The following EYS variants were observed in gnomAD, a reference collection of about 807,000 sequenced individuals.
EYS encodes the protein EGF-like photoreceptor maintenance factor, also known as protein eyes shut homolog.
Under a neutral mutation model 282.1 loss-of-function variants are expected in EYS, and 250 were observed. The ratio of observed to expected loss-of-function variants is 0.89; its 90% CI spans 0.80 to 0.98. The LOEUF (loss-of-function observed/expected upper bound fraction) is 0.98, where lower values mean the gene tolerates loss of function less well. Among genes scored for constraint, EYS ranks in the 50% least tolerant of loss-of-function variants. The pLI is 0.00. For missense variants in EYS, 4,016 were observed against 3,709.0 expected (o/e 1.08, Z -2.15); for synonymous variants, 1,355 against 1,282.9 (o/e 1.06, Z -1.20).
chr6:65,283,439 T>A, intron 12 of EYS, among the ~76,000 whole-genome samples: 1 of 152,032 alleles, frequency 6.6e-6, no homozygotes, highest in East Asian at 1.9e-4. Context: ...GCAACATTTA[T>A]CAATATGGTG....
rs940309165 is a variant in EYS at position 64,762,068 on chromosome 6, A to G, written c.3443+51310T>C. On this transcript the variant is annotated intron_variant, in intron 22 of 42. Coordinates refer to ENST00000503581, the MANE Select transcript of EYS (RefSeq NM_001142800.2). The stretch of plus-strand genomic sequence containing the variant: ...ACAGTGGATTTTAAATGTTCTTACC[A>G]CAAAGAAATGATAAGTATGTGAAGT... Among the ~76,000 whole-genome samples, 15 of 152,358 alleles carry G rather than the reference A, an allele frequency of 9.8e-5. No individual in the cohort carries two copies. The South Asian group carries it at 1.2e-3, about 13-fold the overall frequency.
intron 13 of EYS, among the ~76,000 whole-genome samples, chr6:65,025,622 G>A (rs895137352): frequency 1.3e-5 from 2 of 152,166 alleles, no homozygotes; most frequent in South Asian, 2.1e-4. Context: ...GCTGAGGCAC[G>A]AGAACTGTTT....
chr6:64,553,556 C>CCG (rs1554177884), intron 26 of EYS, among the ~76,000 whole-genome samples: 2 of 137,504 alleles, frequency 1.5e-5, no homozygotes, highest in Admixed American at 7.4e-5. Flanking sequence ...CCCCCCCCCC[C>CCG]CCATAGGCAG....
chr6:63,811,780 A>C (rs984648506), intron 36 of EYS, among the ~76,000 whole-genome samples: 1 of 152,118 alleles, frequency 6.6e-6, no homozygotes, highest in Non-Finnish European at 1.5e-5. Context: ...CTTTGCAATC[A>C]AATCTGTTTC....
rs1562279019 is a variant in EYS, at chr6:64,266,096, G to T, written c.6192-35272C>A. ...TTTAAGTGTTTATATATTAAGAAGAGAATCAAGAGGGAGTTGCTATTACAA... is the reference window on the plus strand; with the variant it reads ...TTTAAGTGTTTATATATTAAGAAGATAATCAAGAGGGAGTTGCTATTACAA... On this transcript the variant is annotated intron_variant, in intron 30 of 42. Transcript: ENST00000503581. Among the ~76,000 whole-genome samples, 4 of 152,020 alleles carry T rather than the reference G, an allele frequency of 2.6e-5. 1 individual carries two copies. The South Asian group carries it at 8.3e-4, about 32-fold the overall frequency.
intron 12 of EYS, among the ~76,000 whole-genome samples, chr6:65,163,778 G>T (rs1764905894): frequency 6.6e-6 from 1 of 151,200 alleles, no homozygotes; most frequent in Non-Finnish European, 1.5e-5. Flanking sequence ...GCTATATAAA[G>T]TTCAAATGAC....
intron 22 of EYS, among the ~76,000 whole-genome samples, chr6:64,683,184 G>A (rs1039981349): frequency 6.6e-6 from 1 of 152,050 alleles, no homozygotes; most frequent in African/African-American, 2.4e-5. Context: ...GAATCCAAAG[G>A]CTCAATAGCC....
intron 18 of EYS, among the ~76,000 whole-genome samples, chr6:64,899,967 C>T (rs192503251): frequency 4.5e-4 from 68 of 152,232 alleles, no homozygotes; most frequent in African/African-American, 1.6e-3. Flanking sequence ...ACAATGCTAC[C>T]TGACTTCAAA....
chr6:63,918,670 G>C (rs956585682), intron 35 of EYS, among the ~76,000 whole-genome samples: 1 of 152,124 alleles, frequency 6.6e-6, no homozygotes, highest in African/African-American at 2.4e-5. Flanking sequence ...TGGCAGCAAG[G>C]GTATTCAAAG....
chr6:63,757,320 T>C (rs1311006958), intron 41 of EYS, among the ~76,000 whole-genome samples: 1 of 152,052 alleles, frequency 6.6e-6, no homozygotes. Context: ...TCAGGCTTAC[T>C]AGGGTGGGGA....
intron 26 of EYS, among the ~76,000 whole-genome samples, chr6:64,537,080 A>G (rs368355573): frequency 0.034 from 5,102 of 150,468 alleles, 179 homozygotes; most frequent in East Asian, 0.1. Context: ...ATATGTATAC[A>G]TGTGCCATGC....
rs762177788 is a variant in EYS at position 64,950,792 on chromosome 6, C to CATATATATAT, written c.2260-4879_2260-4878insATATATATAT. On this transcript the variant is annotated intron_variant, in intron 14 of 42. Coordinates refer to ENST00000503581, the MANE Select transcript of EYS (RefSeq NM_001142800.2). ...TGAATAAAAAATATATACACATATA[C>CATATATATAT]ATATACATATATATATATATATATA... Among the ~76,000 whole-genome samples the CATATATATAT allele has an allele frequency of 6.2e-3, 376 of 60,702 alleles. 7 individuals are homozygous for CATATATATAT. The highest frequency in any genetic ancestry group is 8.2e-3 in the Non-Finnish European group (271 of 32,970). 39.8% of individuals were successfully genotyped at this position (60,702 alleles called of 152,430 possible).
At chr6:63,800,763 C>A (rs187509460) in intron 37 of EYS, among the ~76,000 whole-genome samples, 1 of 152,326 alleles carries the variant, frequency 6.6e-6, no homozygotes, top group Non-Finnish European at 1.5e-5. Flanking sequence ...CAAGATCCTG[C>A]CACTGAACTC....
chr6:65,024,379 G>T (rs1408544939), intron 13 of EYS, among the ~76,000 whole-genome samples: 1 of 152,114 alleles, frequency 6.6e-6, no homozygotes, highest in Admixed American at 6.5e-5. Flanking sequence ...ACCTTAGTAG[G>T]TATTGTAGTC....
At chr6:65,354,977 C>T (rs1486399282) in intron 8 of EYS, among the ~76,000 whole-genome samples, 1 of 151,948 alleles carries the variant, frequency 6.6e-6, no homozygotes. Flanking sequence ...ACTGAGACAT[C>T]AAATGTTGAA....
At chr6:65,425,053 A>T (rs575918417) in intron 5 of EYS, among the ~76,000 whole-genome samples, 8 of 152,226 alleles carry the variant, frequency 5.3e-5, no homozygotes, top group African/African-American at 1.7e-4. Flanking sequence ...ATTCAGTACC[A>T]AAGCGCTCCT....
In EYS at chr6:64,529,319, C is replaced by T. The variant is rs780916470; in HGVS notation, c.5644+60904G>A. Among the ~76,000 whole-genome samples the T allele has an allele frequency of 3.9e-5, 6 of 152,138 alleles. No individual in the cohort carries two copies. The East Asian group carries it at 5.8e-4, about 15-fold the overall frequency. ...TTCCTATTAGCAGTCTGTTGAATGT[C>T]TGTGTATTATGATATACCAATTCAT... On this transcript the variant is annotated intron_variant, in intron 26 of 42. Transcript: ENST00000503581.
At chr6:64,493,516 T>C (rs1224130559) in intron 26 of EYS, among the ~76,000 whole-genome samples, 4 of 151,630 alleles carry the variant, frequency 2.6e-5, no homozygotes, top group African/African-American at 7.2e-5. Context: ...ACTTTACATA[T>C]AGATGATCAA....
chr6:65,168,985 A>G (rs903516593), intron 12 of EYS, among the ~76,000 whole-genome samples: 2 of 151,380 alleles, frequency 1.3e-5, no homozygotes, highest in African/African-American at 4.8e-5. Context: ...TTTAAGACAT[A>G]TCAAAACAAT....
Sources: gnomAD v4.1 joint callset for allele counts (sites outside exome capture counted in the v4.1 genomes callset) on GRCh38, gnomAD v4.1.1 for gene constraint, MANE v1.5 for transcripts, NCBI Gene and HGNC (gene_info 2026-07-23, HGNC 2026-07-21) for gene names.